Variants in ARHGAP10 observed in about 807,000 individuals in gnomAD.
The protein encoded by ARHGAP10 is rho GTPase-activating protein 10.
Under a neutral mutation model 108.6 loss-of-function variants are expected in ARHGAP10, and 87 were observed. The observed-to-expected ratio is 0.80, with a 90% CI of 0.67 to 0.96. The LOEUF (loss-of-function observed/expected upper bound fraction) is 0.96, where lower values mean the gene tolerates loss of function less well. Ranked by LOEUF, ARHGAP10 falls within the 40% of genes least tolerant of loss-of-function variation. ARHGAP10 has a pLI of 0.00. For synonymous variants in ARHGAP10, 347 were observed against 341.1 expected (o/e 1.02, Z -0.19); for missense variants, 939 against 954.5 (o/e 0.98, Z 0.21).
At chr4:147,798,707 G>T (rs1731414997) in intron 1 of ARHGAP10, among the ~76,000 whole-genome samples, 1 of 145,600 alleles carries the variant, frequency 6.9e-6, no homozygotes, top group African/African-American at 2.6e-5. Context: ...CATTACGTGA[G>T]GTCAGGAGTT....
chr4:148,024,622 A>G (rs1053475193), intron 19 of ARHGAP10, among the ~76,000 whole-genome samples: 3 of 152,254 alleles, frequency 2.0e-5, no homozygotes, highest in African/African-American at 4.8e-5. Flanking sequence ...TAGTTTTACA[A>G]TTGGATAGTT....
chr4:147,827,861 A>C (rs1732783274), intron 3 of ARHGAP10, among the ~76,000 whole-genome samples: 1 of 152,118 alleles, frequency 6.6e-6, no homozygotes, highest in South Asian at 2.1e-4. Flanking sequence ...GCCTGAGTGC[A>C]GTGGTGCAAT....
intron 13 of ARHGAP10, among the ~76,000 whole-genome samples, chr4:147,922,455 C>T (rs1277717112): frequency 2.0e-5 from 3 of 151,068 alleles, no homozygotes; most frequent in East Asian, 1.9e-4. Context: ...TTTGGGAGGC[C>T]GAGGCGGGCG....
intron 13 of ARHGAP10, among the ~76,000 whole-genome samples, chr4:147,918,461 T>C (rs1399631944): frequency 1.3e-5 from 2 of 152,218 alleles, no homozygotes; most frequent in African/African-American, 2.4e-5. Flanking sequence ...AATAATGTTT[T>C]TATGATCAGT....
intron 18 of ARHGAP10, among the ~76,000 whole-genome samples, chr4:148,008,026 T>C (rs1741019165): frequency 6.6e-6 from 1 of 152,186 alleles, no homozygotes. Flanking sequence ...TGCCCTGTGT[T>C]TGTTAATCCT....
intron 18 of ARHGAP10, among the ~76,000 whole-genome samples, chr4:147,972,998 A>C (rs1739466832): frequency 1.3e-5 from 2 of 151,874 alleles, no homozygotes; most frequent in African/African-American, 4.8e-5. Flanking sequence ...CAAGTGATCC[A>C]CCGGCCTTGG....
At chr4:147,851,897 A>G (rs1733889438) in intron 4 of ARHGAP10, among the ~76,000 whole-genome samples, 1 of 152,190 alleles carries the variant, frequency 6.6e-6, no homozygotes, top group Non-Finnish European at 1.5e-5. Flanking sequence ...TTTCAGGAAG[A>G]GTTAATTCTT....
chr4:147,842,243 C>G (rs924921654), intron 3 of ARHGAP10, among the ~76,000 whole-genome samples: 6 of 152,068 alleles, frequency 3.9e-5, no homozygotes, highest in Non-Finnish European at 5.9e-5. Flanking sequence ...GCCGTGAAAC[C>G]CTTATATTCT....
intron 19 of ARHGAP10, among the ~76,000 whole-genome samples, chr4:148,036,438 C>T (rs967692515): frequency 3.9e-5 from 6 of 152,184 alleles, no homozygotes; most frequent in Admixed American, 1.3e-4. Flanking sequence ...GTAGTTGAAT[C>T]GTGGGAGCAG....
chr4:148,068,860 G>C (rs114559815), intron 22 of ARHGAP10, among the ~76,000 whole-genome samples: 5,646 of 152,218 alleles, frequency 0.037, 359 homozygotes, highest in African/African-American at 0.13. Flanking sequence ...TGGTGGAAGG[G>C]ACCTGCCTCT....
At chr4:147,827,778 C>T (rs1220673008) in intron 3 of ARHGAP10, among the ~76,000 whole-genome samples, 1 of 151,972 alleles carries the variant, frequency 6.6e-6, no homozygotes, top group African/African-American at 2.4e-5. Flanking sequence ...AAAATTGGTT[C>T]CAAGGATTTC....
At position 147,797,720 on chromosome 4, in the gene ARHGAP10, G is replaced by A. The variant is rs144657176; in HGVS notation, c.155-25007G>A. On this transcript the variant is annotated intron_variant, in intron 1 of 22. Transcript: ENST00000336498. ...GCCGTTGCGCCTGGCCAGCCAACAC[G>A]CCCGGCCCCCTCCCCATTTTTTATT... 9.2e-5 allele frequency among the ~76,000 whole-genome samples: 14 copies of A among 152,160 alleles called. No homozygotes were observed. The East Asian group carries it at 2.1e-3, about 23-fold the overall frequency.
At chr4:148,068,883 T>G (rs1436729838) in intron 22 of ARHGAP10, among the ~76,000 whole-genome samples, 1 of 152,206 alleles carries the variant, frequency 6.6e-6, no homozygotes, top group Non-Finnish European at 1.5e-5. Flanking sequence ...TTGGTGCTAC[T>G]TGGGGTCCCT....
chr4:147,830,397 C>T (rs1211663799), intron 3 of ARHGAP10, among the ~76,000 whole-genome samples: 3 of 152,094 alleles, frequency 2.0e-5, no homozygotes, highest in Admixed American at 1.3e-4. Context: ...GCTCTCAAAT[C>T]TCCTCCATAA....
chr4:148,059,064 T>C (rs1000298631), intron 20 of ARHGAP10, among the ~76,000 whole-genome samples: 3 of 152,244 alleles, frequency 2.0e-5, no homozygotes, highest in African/African-American at 7.2e-5. Flanking sequence ...TTTGAAATCT[T>C]CATGTGCTTT....
At chr4:147,750,864 G>A (rs1184800248) in intron 1 of ARHGAP10, among the ~76,000 whole-genome samples, 3 of 152,006 alleles carry the variant, frequency 2.0e-5, no homozygotes, top group Non-Finnish European at 4.4e-5. Flanking sequence ...GCCTCCCAAA[G>A]TGCTGTGATT....
At chr4:148,071,413 T>C (rs921155633) in intron 22 of ARHGAP10, among the ~76,000 whole-genome samples, 1 of 152,170 alleles carries the variant, frequency 6.6e-6, no homozygotes, top group East Asian at 1.9e-4. Flanking sequence ...GTCAGGAGTT[T>C]AAGAGCAGGC....
chr4:147,984,154 T>G (rs1037899979), intron 18 of ARHGAP10, among the ~76,000 whole-genome samples: 2 of 152,088 alleles, frequency 1.3e-5, no homozygotes, highest in Non-Finnish European at 2.9e-5. Context: ...TTGGTGGTGT[T>G]GTTTAAGCTG....
At chr4:148,052,354 AAAG>A (rs1729177307) in intron 20 of ARHGAP10, among the ~76,000 whole-genome samples, 1 of 151,148 alleles carries the variant, frequency 6.6e-6, no homozygotes, top group African/African-American at 2.4e-5. Context: ...AAAAAAAAAA[AAAG>A]ATTTATCTTT....
Sources: gnomAD v4.1 joint callset for allele counts (sites outside exome capture counted in the v4.1 genomes callset) on GRCh38, gnomAD v4.1.1 for gene constraint, MANE v1.5 for transcripts, NCBI Gene and HGNC (gene_info 2026-07-23, HGNC 2026-07-21) for gene names.